Variants in FOXP1 observed in about 807,000 individuals in gnomAD.
FOXP1 encodes the protein forkhead box protein P1.
FOXP1 carries 15 observed loss-of-function variants against 98.2 expected under a neutral mutation model. The ratio of observed to expected loss-of-function variants is 0.15; its 90% CI spans 0.10 to 0.24. The LOEUF (loss-of-function observed/expected upper bound fraction) is 0.24. Ranked by LOEUF, FOXP1 falls within the 10% of genes least tolerant of loss-of-function variation. The probability of loss-of-function intolerance (pLI) is 1.00; values close to 1 mark genes in which losing one functional copy is unlikely to be tolerated. For synonymous variants in FOXP1, 371 were observed against 314.5 expected (o/e 1.18, Z -1.90); for missense variants, 633 against 848.5 (o/e 0.75, Z 3.15).
In FOXP1 at chr3:71,235,141, A is replaced by G. The variant is rs544784441; in HGVS notation, c.-11-36749T>C. Among the ~76,000 whole-genome samples the G allele has an allele frequency of 1.4e-3, 207 of 149,832 alleles. 5 individuals are homozygous for G. The South Asian group carries it at 0.043, about 31-fold the overall frequency. ...ATTTATTCTGATGGGGAAAAAAAAA[A>G]TCTTAGCAAAGCGACTGTAGATCTA... On this transcript the variant is annotated intron_variant, in intron 5 of 20. Coordinates refer to ENST00000649528, the MANE Select transcript of FOXP1 (RefSeq NM_001349338.3).
At chr3:71,378,859 A>G (rs1451198007) in intron 3 of FOXP1, among the ~76,000 whole-genome samples, 3 of 152,086 alleles carry the variant, frequency 2.0e-5, no homozygotes, top group Non-Finnish European at 1.5e-5. Context: ...GTTTAGTACT[A>G]TCTGTAGTTT....
intron 3 of FOXP1, among the ~76,000 whole-genome samples, chr3:71,477,016 G>T (rs1405933619): frequency 6.6e-6 from 1 of 152,036 alleles, no homozygotes; most frequent in African/African-American, 2.4e-5. Flanking sequence ...GACACCTTTG[G>T]TTTTCAGAGA....
intron 4 of FOXP1, among the ~76,000 whole-genome samples, chr3:71,323,216 G>T (rs935682924): frequency 2.6e-5 from 4 of 152,052 alleles, no homozygotes; most frequent in Non-Finnish European, 5.9e-5. Context: ...TGATCCGCCC[G>T]CCTCGGCCTT....
At chr3:71,563,088 T>G (rs1220492137) in intron 2 of FOXP1, among the ~76,000 whole-genome samples, 2 of 152,050 alleles carry the variant, frequency 1.3e-5, no homozygotes, top group African/African-American at 2.4e-5. Flanking sequence ...GGGAGCAAAC[T>G]GCAGAGGGGT....
intron 2 of FOXP1, among the ~76,000 whole-genome samples, chr3:71,538,998 T>C (rs1319779756): frequency 6.6e-6 from 1 of 152,098 alleles, no homozygotes; most frequent in African/African-American, 2.4e-5. Context: ...AAGGGTTTAT[T>C]TCTTGACTCT....
chr3:71,335,942 G>A (rs901050172), intron 4 of FOXP1, among the ~76,000 whole-genome samples: 18 of 148,282 alleles, frequency 1.2e-4, no homozygotes, highest in African/African-American at 3.7e-4. Context: ...AGGCGGAGGC[G>A]GAGGTTGCAG....
chr3:71,429,663 A>G (rs2084511563), intron 3 of FOXP1, among the ~76,000 whole-genome samples: 1 of 152,252 alleles, frequency 6.6e-6, no homozygotes, highest in African/African-American at 2.4e-5. Context: ...CAGAATTAAC[A>G]TGTTCCATAA....
At chr3:71,009,160 G>GGC (rs2043201973) in intron 12 of FOXP1, among the ~76,000 whole-genome samples, 5 of 76,332 alleles carry the variant, frequency 6.6e-5, no homozygotes, top group African/African-American at 2.8e-4. Context: ...GGGGGCGGGG[G>GGC]GGGGGGGGCG....
At chr3:71,018,564 G>A (rs1210675108) in intron 11 of FOXP1, among the ~76,000 whole-genome samples, 1 of 152,126 alleles carries the variant, frequency 6.6e-6, no homozygotes, top group Non-Finnish European at 1.5e-5. Context: ...TTAAAACATG[G>A]AAACATCCTG....
chr3:71,275,899 T>C (rs1393229263), intron 5 of FOXP1, among the ~76,000 whole-genome samples: 1 of 152,220 alleles, frequency 6.6e-6, no homozygotes, highest in African/African-American at 2.4e-5. Flanking sequence ...TAACATATCC[T>C]GCAGCATTCT....
chr3:71,137,346 G>A (rs944321447), intron 6 of FOXP1, among the ~76,000 whole-genome samples: 4 of 151,850 alleles, frequency 2.6e-5, no homozygotes, highest in Non-Finnish European at 4.4e-5. Flanking sequence ...AAACATCCTC[G>A]CCAGCCCAGC....
At chr3:71,194,982 A>G (rs1373317310) in intron 6 of FOXP1, among the ~76,000 whole-genome samples, 1 of 152,130 alleles carries the variant, frequency 6.6e-6, no homozygotes. Context: ...CAGAATCGCC[A>G]ACTCCGCTAC....
intron 10 of FOXP1, among the ~76,000 whole-genome samples, chr3:71,045,909 G>A (rs1378508239): frequency 1.3e-5 from 2 of 152,172 alleles, no homozygotes; most frequent in Admixed American, 6.5e-5. Context: ...AGTGGCTTTA[G>A]CTATCAGCCT....
At chr3:71,477,773 A>C (rs1279715159) in intron 3 of FOXP1, among the ~76,000 whole-genome samples, 1 of 152,234 alleles carries the variant, frequency 6.6e-6, no homozygotes, top group African/African-American at 2.4e-5. Flanking sequence ...ATGGAAAAGA[A>C]TATTACAAGG....
chr3:71,033,048 G>A (rs1374170964), intron 11 of FOXP1, among the ~76,000 whole-genome samples: 1 of 152,118 alleles, frequency 6.6e-6, no homozygotes, highest in African/African-American at 2.4e-5. Flanking sequence ...CCAAAAGGCT[G>A]GTTCTCACTC....
intron 2 of FOXP1, among the ~76,000 whole-genome samples, chr3:71,504,945 CT>C (rs1330131260): frequency 6.6e-6 from 1 of 152,116 alleles, no homozygotes; most frequent in East Asian, 1.9e-4. Context: ...CTTATTAAGC[CT>C]TATAACGGTG....
At chr3:71,505,731 AG>A (rs1236409556) in intron 2 of FOXP1, among the ~76,000 whole-genome samples, 1 of 152,080 alleles carries the variant, frequency 6.6e-6, no homozygotes, top group Non-Finnish European at 1.5e-5. Context: ...AGCCCTGAAG[AG>A]GGATGCTTTC....
At chr3:71,336,261 GTTTAT>G (rs146172787) in intron 4 of FOXP1, among the ~76,000 whole-genome samples, 60,836 of 151,510 alleles carry the variant, frequency 0.4, 13,807 homozygotes, top group East Asian at 0.73. Context: ...AAAATTTTTA[GTTTAT>G]TTTATTTTTA....
intron 3 of FOXP1, among the ~76,000 whole-genome samples, chr3:71,474,291 A>G (rs950496466): frequency 1.3e-5 from 2 of 152,256 alleles, no homozygotes; most frequent in African/African-American, 4.8e-5. Context: ...AGTAGAGTGC[A>G]ACCACTCCTG....
Sources: allele counts gnomAD v4.1 joint callset (sites outside exome capture counted in the v4.1 genomes callset), GRCh38; gene constraint gnomAD v4.1.1; transcripts MANE v1.5; gene names NCBI Gene and HGNC (gene_info 2026-07-23, HGNC 2026-07-21).